Variants in LIFR observed in about 807,000 individuals in gnomAD.
The protein encoded by LIFR is LIF receptor subunit alpha.
Under a neutral mutation model 122.2 loss-of-function variants are expected in LIFR, and 84 were observed. That is an observed-to-expected ratio of 0.69 (90% confidence interval 0.58 to 0.82). LIFR has a LOEUF of 0.82. LIFR is among the 40% of genes least tolerant of loss of function. The pLI is 0.00. For synonymous variants in LIFR, 422 were observed against 434.7 expected, an observed-to-expected ratio of 0.97 and a Z score of 0.36; for missense variants, 1,294 against 1,311.6, an observed-to-expected ratio of 0.99 and a Z score of 0.21.
At chr5:38,593,365 T>C (rs1749992886) in intron 1 of LIFR, among the ~76,000 whole-genome samples, 1 of 152,196 alleles carries the variant, frequency 6.6e-6, no homozygotes, top group South Asian at 2.1e-4. Flanking sequence ...TCTAATACAA[T>C]TGTTGCTTGC....
At chr5:38,603,687 A>G (rs1750268130) in intron 2 of LIFR, among the ~76,000 whole-genome samples, 1 of 152,164 alleles carries the variant, frequency 6.6e-6, no homozygotes, top group South Asian at 2.1e-4. Context: ...CATCACTCAC[A>G]AGAAGATAAT....
rs150851487 is a variant in LIFR at position 38,548,273 on chromosome 5, G to A, written c.-20+8061C>T. ...TAGGATATTCTCACACTTGTGTAAT[G>A]TAAGTCATCACTAAATCATTCATGA... On this transcript the variant is annotated intron_variant, in intron 1 of 19. Transcript: ENST00000453190. 4.8e-3 allele frequency among the ~76,000 whole-genome samples: 736 copies of A among 152,310 alleles called. 5 individuals are homozygous for A. The highest frequency in any genetic ancestry group is 0.017 in the African/African-American group (715 of 41,570).
chr5:38,526,509 C>T (rs1580115882), intron 4 of LIFR, among the ~76,000 whole-genome samples: 1 of 151,924 alleles, frequency 6.6e-6, no homozygotes, highest in Admixed American at 6.6e-5. Context: ...TCCACAGACA[C>T]TTAATTTTCA....
chr5:38,547,170 T>C (rs1471587909), intron 1 of LIFR, among the ~76,000 whole-genome samples: 1 of 152,192 alleles, frequency 6.6e-6, no homozygotes, highest in Non-Finnish European at 1.5e-5. Context: ...AATATGTATC[T>C]ATATGTACAA....
chr5:38,494,891 G>C (rs969587778), intron 13 of LIFR, among the ~76,000 whole-genome samples: 51 of 152,172 alleles, frequency 3.4e-4, no homozygotes, highest in African/African-American at 1.1e-3. Context: ...ACAGGAGAAA[G>C]TAACTAATAG....
chr5:38,551,212 G>C (rs748738535), intron 1 of LIFR, among the ~76,000 whole-genome samples: 5 of 152,172 alleles, frequency 3.3e-5, no homozygotes, highest in Non-Finnish European at 5.9e-5. Context: ...ACTAAGGCAT[G>C]AAGCATGGCA....
chr5:38,571,559 C>T (rs1163472870), intron 1 of LIFR, among the ~76,000 whole-genome samples: 1 of 147,586 alleles, frequency 6.8e-6, no homozygotes, highest in Non-Finnish European at 1.5e-5. Context: ...AAAGCACTAG[C>T]CTCCTTCTCC....
chr5:38,559,216 A>G (rs145057499), upstream of LIFR: 3 of 152,356 alleles, frequency 2.0e-5, no homozygotes, highest in East Asian at 5.8e-4. Flanking sequence ...TCTAAGGAAC[A>G]CCACATTCCT....
chr5:38,486,816 C>A (rs959508686), intron 16 of LIFR, among the ~76,000 whole-genome samples: 1 of 152,132 alleles, frequency 6.6e-6, no homozygotes. Context: ...TCACCCTTTC[C>A]CCCACCACAT....
At chr5:38,512,666 A>G (rs1745863675) in intron 5 of LIFR, among the ~76,000 whole-genome samples, 1 of 151,812 alleles carries the variant, frequency 6.6e-6, no homozygotes, top group Non-Finnish European at 1.5e-5. Flanking sequence ...AATAAATAAA[A>G]TAACAAAAAT....
At chr5:38,553,583 G>A (rs1374049932) in intron 1 of LIFR, among the ~76,000 whole-genome samples, 1 of 129,932 alleles carries the variant, frequency 7.7e-6, no homozygotes, top group Admixed American at 8.3e-5. Context: ...AAAGGCAAGA[G>A]AATGCCTTAA....
At chr5:38,574,732 C>G (rs1224491243) in intron 1 of LIFR, among the ~76,000 whole-genome samples, 1 of 152,198 alleles carries the variant, frequency 6.6e-6, no homozygotes, top group Non-Finnish European at 1.5e-5. Context: ...TCTACACACA[C>G]CATCATTTTC....
Position 38,527,416 on chromosome 5 carries a change from T to C in LIFR, c.258-122A>G, listed in dbSNP as rs141230622. On this transcript the variant is annotated intron_variant, in intron 3 of 19. Coordinates refer to ENST00000453190, the MANE Select transcript of LIFR (RefSeq NM_001127671.2). Reference sequence around the variant, plus strand: ...TGCCCTCTTTGTTGCAAAAACATGATAGGTTGTACCGCATTTTAAGACTGA... The same window carrying C: ...TGCCCTCTTTGTTGCAAAAACATGACAGGTTGTACCGCATTTTAAGACTGA... 1,131 of 669,066 alleles carry C rather than the reference T, an allele frequency of 1.7e-3. 15 individuals carry two copies. The highest frequency in any genetic ancestry group is 0.017 in the South Asian group (905 of 54,632). 41.4% of individuals were successfully genotyped at this position (669,066 alleles called of 1,614,324 possible). A position where few individuals can be genotyped will look rare whatever the true frequency, so the allele number is the denominator to read the frequency against.
intron 1 of LIFR, among the ~76,000 whole-genome samples, chr5:38,535,439 C>G (rs1440459409): frequency 1.3e-5 from 2 of 152,172 alleles, no homozygotes. Context: ...TTACCCGCCT[C>G]TTGATTTTGT....
At chr5:38,543,436 G>A (rs2112618666) in intron 1 of LIFR, among the ~76,000 whole-genome samples, 1 of 152,276 alleles carries the variant, frequency 6.6e-6, no homozygotes, top group East Asian at 1.9e-4. Flanking sequence ...TCTGAATTGT[G>A]AGCCATTATG....
chr5:38,516,120 G>A (rs2589638), intron 5 of LIFR, among the ~76,000 whole-genome samples: 6,627 of 152,110 alleles, frequency 0.044, 509 homozygotes, highest in African/African-American at 0.15. Flanking sequence ...TTTCCCAAAA[G>A]TAAGGAATTA....
chr5:38,522,257 G>A (rs1746443296), intron 5 of LIFR, among the ~76,000 whole-genome samples: 2 of 152,182 alleles, frequency 1.3e-5, no homozygotes, highest in South Asian at 4.1e-4. Context: ...GGGACTCTGG[G>A]CACATGGAAT....
At position 38,479,463 on chromosome 5, in the gene LIFR, A is replaced by G; in HGVS notation, c.*2132T>C. 1 of 230,698 alleles carries G rather than the reference A, an allele frequency of 4.3e-6. No individual in the cohort carries two copies. Among genetic ancestry groups the G allele is most frequent in the South Asian group, 1.8e-4 (1 of 5,498 alleles). 14.3% of individuals were successfully genotyped at this position (230,698 alleles called of 1,614,324 possible). On this transcript the variant is annotated 3_prime_UTR_variant, in exon 20 of 20. Transcript: ENST00000453190. Reference sequence around the variant, plus strand: ...TAACCAAACAAATGAGTCGTTATATAGGTTAGAAAGGGCCCTGGATCCAGA... The same window carrying G: ...TAACCAAACAAATGAGTCGTTATATGGGTTAGAAAGGGCCCTGGATCCAGA...
intron 1 of LIFR, among the ~76,000 whole-genome samples, chr5:38,567,025 A>G (rs1232502497): frequency 2.6e-5 from 4 of 152,360 alleles, no homozygotes; most frequent in South Asian, 2.1e-4. Flanking sequence ...GCACAGTGTC[A>G]GAGATGACCC....
Sources: gnomAD v4.1 joint callset for allele counts (sites outside exome capture counted in the v4.1 genomes callset) on GRCh38, gnomAD v4.1.1 for gene constraint, MANE v1.5 for transcripts, NCBI Gene and HGNC (gene_info 2026-07-23, HGNC 2026-07-21) for gene names.